CDH10: variants seen among roughly 807,000 people sequenced by gnomAD.
CDH10 encodes cadherin-10.
In CDH10, 30 loss-of-function variants were observed where a neutral mutation model predicts 73.1. The observed-to-expected ratio is 0.41, with a 90% confidence interval of 0.31 to 0.56. CDH10 has a LOEUF of 0.56. CDH10 is among the 20% of genes least tolerant of loss of function. The pLI, the probability that CDH10 is intolerant of heterozygous loss-of-function variation, is 0.27. For missense variants in CDH10, 815 were observed against 973.7 expected, an observed-to-expected ratio of 0.84 and a Z score of 2.17; for synonymous variants, 345 against 348.2, an observed-to-expected ratio of 0.99 and a Z score of 0.10.
At chr5:24,577,316 G>A (rs901938398) in intron 2 of CDH10, among the ~76,000 whole-genome samples, 1 of 152,130 alleles carries the variant, frequency 6.6e-6, no homozygotes, top group Admixed American at 6.6e-5. Flanking sequence ...GGGGAAGTGA[G>A]TTGTGGGATA....
chr5:24,558,854 A>G (rs1227098073), intron 2 of CDH10, among the ~76,000 whole-genome samples: 1 of 151,854 alleles, frequency 6.6e-6, no homozygotes, highest in Non-Finnish European at 1.5e-5. Flanking sequence ...TGGCCTGCCA[A>G]TATAAACTTC....
intron 1 of CDH10, among the ~76,000 whole-genome samples, chr5:24,602,587 C>T (rs529228595): frequency 6.6e-6 from 1 of 152,076 alleles, no homozygotes; most frequent in Non-Finnish European, 1.5e-5. Context: ...AGACATTCTG[C>T]AACTTGGGAA....
At chr5:24,598,413 C>T (rs1474631943) in intron 1 of CDH10, among the ~76,000 whole-genome samples, 1 of 151,720 alleles carries the variant, frequency 6.6e-6, no homozygotes, top group East Asian at 1.9e-4. Context: ...GGTTTTATGT[C>T]GTCCATGCAA....
chr5:24,619,611 T>C (rs1444655891), intron 1 of CDH10, among the ~76,000 whole-genome samples: 1 of 152,210 alleles, frequency 6.6e-6, no homozygotes, highest in Non-Finnish European at 1.5e-5. Flanking sequence ...ACGAAGGACA[T>C]GAATTTTGGA....
intron 1 of CDH10, among the ~76,000 whole-genome samples, chr5:24,599,799 C>T (rs1400538759): frequency 6.6e-6 from 1 of 151,948 alleles, no homozygotes; most frequent in Non-Finnish European, 1.5e-5. Context: ...GTGAGATAGT[C>T]AAGGTTAAGA....
intron 1 of CDH10, among the ~76,000 whole-genome samples, chr5:24,602,725 C>T (rs552119198): frequency 2.0e-5 from 3 of 152,240 alleles, no homozygotes; most frequent in African/African-American, 7.2e-5. Flanking sequence ...ACTTACTCTC[C>T]TGTCTCCTAC....
At chr5:24,561,081 A>G (rs12697652) in intron 2 of CDH10, among the ~76,000 whole-genome samples, 125,408 of 151,510 alleles carry the variant, frequency 0.83, 51,935 homozygotes, top group East Asian at 0.9. Flanking sequence ...TAAAGTGCTT[A>G]GCAATAGCTG....
At chr5:24,555,277 A>G (rs1019680993) in intron 2 of CDH10, among the ~76,000 whole-genome samples, 2 of 152,090 alleles carry the variant, frequency 1.3e-5, no homozygotes, top group African/African-American at 2.4e-5. Flanking sequence ...AAGTTTCATT[A>G]GAGGCTTATG....
chr5:24,545,668 C>T (rs976382955), intron 2 of CDH10, among the ~76,000 whole-genome samples: 1 of 151,758 alleles, frequency 6.6e-6, no homozygotes, highest in African/African-American at 2.4e-5. Context: ...TTTTAATTAG[C>T]CAGTCATGGT....
intron 6 of CDH10, among the ~76,000 whole-genome samples, chr5:24,511,041 T>C (rs1467360259): frequency 6.6e-6 from 1 of 152,222 alleles, no homozygotes; most frequent in Non-Finnish European, 1.5e-5. Context: ...AATGTGATTA[T>C]GATGGGCTTT....
chr5:24,555,697 C>A lies in CDH10; in HGVS notation c.232-18023G>T, dbSNP rs567679345. ...AGAAATGAGAGAGAGAGATTATCAT[C>A]TATCCTCAAATATCACTTGGGAGTG... On this transcript the variant is annotated intron_variant, in intron 2 of 11. Coordinates refer to ENST00000264463, the MANE Select transcript of CDH10 (RefSeq NM_006727.5). Among the ~76,000 whole-genome samples, 6 of 152,244 alleles carry A rather than the reference C, an allele frequency of 3.9e-5. No individual in the cohort carries two copies. In the South Asian group the frequency reaches 1.2e-3, roughly 32 times the overall value.
chr5:24,558,723 T>G (rs1004997589), intron 2 of CDH10, among the ~76,000 whole-genome samples: 10 of 151,800 alleles, frequency 6.6e-5, no homozygotes, highest in African/African-American at 2.4e-4. Flanking sequence ...TTTTAAATAT[T>G]GTAAGATACA....
intron 6 of CDH10, 51 bp from the exon 7 acceptor site, chr5:24,509,870 T>C (rs1320183706): frequency 1.4e-6 from 2 of 1,421,752 alleles, no homozygotes; most frequent in Non-Finnish European, 1.9e-6. Flanking sequence ...TTGGATGATA[T>C]GCTCCCACCC....
intron 1 of CDH10, among the ~76,000 whole-genome samples, chr5:24,601,124 C>T (rs989601550): frequency 6.6e-6 from 1 of 151,956 alleles, no homozygotes; most frequent in African/African-American, 2.4e-5. Flanking sequence ...TAAATTAAAT[C>T]ATTTTCATGG....
intron 1 of CDH10, among the ~76,000 whole-genome samples, chr5:24,627,535 T>C (rs1044840478): frequency 6.6e-6 from 1 of 152,136 alleles, no homozygotes; most frequent in Non-Finnish European, 1.5e-5. Context: ...GGGACCATAT[T>C]ATAAGAGTTT....
At chr5:24,642,084 T>C (rs1748072351) in intron 1 of CDH10, among the ~76,000 whole-genome samples, 1 of 152,070 alleles carries the variant, frequency 6.6e-6, no homozygotes, top group Non-Finnish European at 1.5e-5. Flanking sequence ...CTAGAGATAG[T>C]TGGGTTTGCA....
intron 1 of CDH10, among the ~76,000 whole-genome samples, chr5:24,614,667 A>G (rs2112153012): frequency 6.6e-6 from 1 of 152,290 alleles, no homozygotes; most frequent in African/African-American, 2.4e-5. Flanking sequence ...CAGACCGAGT[A>G]AACAGAACCA....
intron 5 of CDH10, among the ~76,000 whole-genome samples, chr5:24,532,156 T>C (rs73743623): frequency 0.01 from 1,535 of 152,162 alleles, 29 homozygotes; most frequent in African/African-American, 0.035. Context: ...CTCCTCCAAA[T>C]GACTGAGATT....
intron 1 of CDH10, among the ~76,000 whole-genome samples, chr5:24,632,342 CAATTT>C (rs1747730423): frequency 3.3e-3 from 1 of 302 alleles, no homozygotes; most frequent in Non-Finnish European, 7.2e-3. Context: ...TACACCATTT[CAATTT>C]CAATTTCTGT....
Sources: gnomAD v4.1 joint callset for allele counts (sites outside exome capture counted in the v4.1 genomes callset) on GRCh38, gnomAD v4.1.1 for gene constraint, MANE v1.5 for transcripts, NCBI Gene and HGNC (gene_info 2026-07-23, HGNC 2026-07-21) for gene names.